NAV2: variants seen among roughly 807,000 people sequenced by gnomAD.
NAV2 encodes the protein helicase, APC down-regulated 1.
Under a neutral mutation model 223.2 loss-of-function variants are expected in NAV2, and 54 were observed. That is an observed-to-expected ratio of 0.24 (90% confidence interval 0.19 to 0.30). The LOEUF is 0.30. Ranked by LOEUF, NAV2 falls within the 10% of genes least tolerant of loss-of-function variation. NAV2 has a pLI of 1.00. For missense variants in NAV2, 2,806 were observed against 3,147.5 expected (o/e 0.89, Z 2.60); for synonymous variants, 1,279 against 1,239.3 (o/e 1.03, Z -0.67).
chr11:19,488,303 C>G (rs2042513609), intron 1 of NAV2, among the ~76,000 whole-genome samples: 1 of 152,230 alleles, frequency 6.6e-6, no homozygotes, highest in South Asian at 2.1e-4. Context: ...GATGTTATAA[C>G]TAGCTTTATT....
chr11:19,639,794 C>T (rs577262330), intron 1 of NAV2, among the ~76,000 whole-genome samples: 23 of 152,270 alleles, frequency 1.5e-4, no homozygotes, highest in African/African-American at 4.6e-4. Flanking sequence ...GTTCTCCCAC[C>T]GCTACATGCT....
At chr11:20,096,166 T>C (rs1478507342) in intron 30 of NAV2, among the ~76,000 whole-genome samples, 1 of 152,240 alleles carries the variant, frequency 6.6e-6, no homozygotes, top group Non-Finnish European at 1.5e-5. Context: ...TTTGGGGGAT[T>C]TGATCTGATT....
intron 1 of NAV2, among the ~76,000 whole-genome samples, chr11:19,617,388 C>G (rs1769492975): frequency 6.6e-6 from 1 of 152,052 alleles, no homozygotes; most frequent in South Asian, 2.1e-4. Flanking sequence ...GTTTATAAGC[C>G]AGTAATCAGC....
At chr11:19,463,755 A>C (rs1168792376) in intron 1 of NAV2, among the ~76,000 whole-genome samples, 1 of 152,148 alleles carries the variant, frequency 6.6e-6, no homozygotes, top group Non-Finnish European at 1.5e-5. Flanking sequence ...GGCAGGGAAT[A>C]CAAGGTTTTG....
chr11:20,079,130 T>TC (rs768045176), intron 24 of NAV2, among the ~76,000 whole-genome samples: 8 of 152,168 alleles, frequency 5.3e-5, no homozygotes, highest in Non-Finnish European at 1.2e-4. Flanking sequence ...AACCTCTGCC[T>TC]CCTGCGTTCA....
At chr11:20,003,023 C>T (rs950086784) in intron 11 of NAV2, among the ~76,000 whole-genome samples, 3 of 152,230 alleles carry the variant, frequency 2.0e-5, no homozygotes, top group African/African-American at 7.2e-5. Flanking sequence ...GTGGCTGTTC[C>T]ACCAACTGGG....
intron 1 of NAV2, among the ~76,000 whole-genome samples, chr11:19,702,179 T>G (rs746121839): frequency 6.6e-6 from 1 of 152,192 alleles, no homozygotes; most frequent in South Asian, 2.1e-4. Context: ...GGCACTTCTG[T>G]AGACAATGAT....
At chr11:19,760,595 CT>C (rs2054653836) in intron 1 of NAV2, among the ~76,000 whole-genome samples, 1 of 152,176 alleles carries the variant, frequency 6.6e-6, no homozygotes. Flanking sequence ...TGCCAGGCTT[CT>C]TTCCCCTCTG....
chr11:19,689,028 T>C (rs1308281149), intron 1 of NAV2, among the ~76,000 whole-genome samples: 1 of 152,158 alleles, frequency 6.6e-6, no homozygotes, highest in Non-Finnish European at 1.5e-5. Flanking sequence ...TAACTCAGTA[T>C]AAGGAGAGCT....
At chr11:20,063,101 C>G (rs2058812152) in intron 20 of NAV2, among the ~76,000 whole-genome samples, 1 of 152,224 alleles carries the variant, frequency 6.6e-6, no homozygotes. Flanking sequence ...AATATAAACT[C>G]TTTCTAGACA....
At chr11:19,984,037 C>T (rs1018080870) in intron 10 of NAV2, 88 bp from the exon 11 acceptor site, 61 of 1,559,412 alleles carry the variant, frequency 3.9e-5, no homozygotes, top group East Asian at 6.8e-5. Flanking sequence ...GAGCACTTGG[C>T]GGCTGTACAG....
chr11:20,098,588 T>C (rs529268216), intron 31 of NAV2, among the ~76,000 whole-genome samples: 1 of 152,336 alleles, frequency 6.6e-6, no homozygotes, highest in Non-Finnish European at 1.5e-5. Flanking sequence ...TGATGCAAGG[T>C]GTATTTCCTG....
At chr11:19,349,149 TCTGCTC>T (rs1277671642), upstream of NAV2, among the ~76,000 whole-genome samples, 113 of 152,358 alleles carry the variant, frequency 7.4e-4, no homozygotes, top group East Asian at 0.011. Context: ...TTCTGAACAT[TCTGCTC>T]CTCACTGATT....
chr11:19,964,492 C>CAT lies in NAV2; in HGVS notation c.2645+15412_2645+15413insAT, dbSNP rs60424234. Among the ~76,000 whole-genome samples the CAT allele has an allele frequency of 2.9e-3, 421 of 146,616 alleles. 2 individuals carry two copies. Among genetic ancestry groups the CAT allele is most frequent in the African/African-American group, 7.1e-3 (281 of 39,500 alleles). On this transcript the variant is annotated intron_variant, in intron 10 of 37. Coordinates refer to ENST00000349880, the MANE Select transcript of NAV2 (RefSeq NM_145117.5). Reference sequence around the variant, plus strand: ...TATATACATTATCTCTTTTCATCCTCTTTTTTTTTTTTTTTATGAGACAGG... The same window carrying CAT: ...TATATACATTATCTCTTTTCATCCTCATTTTTTTTTTTTTTTTATGAGACAGG...
intron 1 of NAV2, among the ~76,000 whole-genome samples, chr11:19,773,656 G>C (rs2055898868): frequency 6.6e-6 from 1 of 152,176 alleles, no homozygotes; most frequent in African/African-American, 2.4e-5. Context: ...GGGTTTGGTG[G>C]ATGAGGAGGT....
At chr11:19,677,650 G>GGA in intron 1 of NAV2, among the ~76,000 whole-genome samples, 1 of 152,376 alleles carries the variant, frequency 6.6e-6, no homozygotes, top group South Asian at 2.1e-4. Flanking sequence ...GCATTTTCAG[G>GGA]GTTACAGAGA....
chr11:19,760,464 A>G (rs1344404284), intron 1 of NAV2, among the ~76,000 whole-genome samples: 1 of 152,100 alleles, frequency 6.6e-6, no homozygotes, highest in African/African-American at 2.4e-5. Flanking sequence ...TTGCAGGAAA[A>G]CAGAAGAACC....
intron 1 of NAV2, among the ~76,000 whole-genome samples, chr11:19,408,727 G>A (rs1211652717): frequency 7.9e-5 from 12 of 152,166 alleles, no homozygotes. Context: ...AAGAGATTAA[G>A]AATTCTGCCC....
At chr11:19,600,643 TTAGCTTCCTTGAGCCTCAATTTCTA>T (rs2046328041) in intron 1 of NAV2, among the ~76,000 whole-genome samples, 1 of 152,216 alleles carries the variant, frequency 6.6e-6, no homozygotes, top group African/African-American at 2.4e-5. Context: ...GGCGGGTTTC[TTAGCTTCCTTGAGCCTCAATTTCTA>T]TAGCTGCGAA....
Sources: gnomAD v4.1 joint callset for allele counts (sites outside exome capture counted in the v4.1 genomes callset) on GRCh38, gnomAD v4.1.1 for gene constraint, MANE v1.5 for transcripts, NCBI Gene and HGNC (gene_info 2026-07-23, HGNC 2026-07-21) for gene names.